Variants in RB1CC1 observed in about 807,000 individuals in gnomAD.
RB1CC1 encodes RB1-inducible coiled-coil protein 1.
Under a neutral mutation model 177.5 loss-of-function variants are expected in RB1CC1, and 46 were observed. That is an observed-to-expected ratio of 0.26 (90% CI 0.20 to 0.33). The LOEUF (loss-of-function observed/expected upper bound fraction) is 0.33. RB1CC1 is among the 10% of genes least tolerant of loss of function. The pLI, the probability that RB1CC1 is intolerant of heterozygous loss-of-function variation, is 1.00. For synonymous variants in RB1CC1, 666 were observed against 613.6 expected, an observed-to-expected ratio of 1.09 and a Z score of -1.26; for missense variants, 1,703 against 1,816.3, an observed-to-expected ratio of 0.94 and a Z score of 1.13.
At chr8:52,682,506 ATATT>A (rs1430292824) in intron 5 of RB1CC1, among the ~76,000 whole-genome samples, 14 of 152,302 alleles carry the variant, frequency 9.2e-5, no homozygotes, top group Admixed American at 4.6e-4. Context: ...ATGCCAGCTT[ATATT>A]TAATTCCTGA....
chr8:52,676,717 TG>T lies in RB1CC1; in HGVS notation c.370-147del, dbSNP rs1311906652. The T allele has an allele frequency of 4.0e-6, 3 of 755,654 alleles. No homozygotes were observed. The African/African-American group carries it at 5.4e-5, about 13-fold the overall frequency. 46.8% of individuals were successfully genotyped at this position (755,654 alleles called of 1,614,324 possible). A position where few individuals can be genotyped will look rare whatever the true frequency, so the allele number is the denominator to read the frequency against. On this transcript the variant is annotated intron_variant, in intron 5 of 23. Coordinates refer to ENST00000025008, the MANE Select transcript of RB1CC1 (RefSeq NM_014781.5). ...TCAAAGGACTGTTTTAGTTTATCTC[TG>T]TTCTCTTCTGTAAAAGACAGCCTAA...
chr8:52,664,841 G>C (rs981832049), intron 8 of RB1CC1, among the ~76,000 whole-genome samples: 1 of 152,128 alleles, frequency 6.6e-6, no homozygotes, highest in African/African-American at 2.4e-5. Flanking sequence ...AAGTAGACTT[G>C]AGGGCAATAT....
chr8:52,636,097 T>C (rs750399135), intron 18 of RB1CC1, 28 bp from the exon 19 acceptor site: 2 of 1,588,554 alleles, frequency 1.3e-6, no homozygotes, highest in Non-Finnish European at 8.5e-7. Flanking sequence ...TGAGTTTCAG[T>C]TTGAAATTCT....
chr8:52,651,650 A>T (rs1309163516), intron 15 of RB1CC1, among the ~76,000 whole-genome samples: 1 of 152,210 alleles, frequency 6.6e-6, no homozygotes, highest in Non-Finnish European at 1.5e-5. Context: ...AACACAAATT[A>T]AAGCCATTAG....
At chr8:52,676,196 T>C (rs998617161) in intron 6 of RB1CC1, among the ~76,000 whole-genome samples, 173 bp downstream of exon 6, 15 of 152,192 alleles carry the variant, frequency 9.9e-5, no homozygotes. Flanking sequence ...AGAATTATCA[T>C]TTTTTAAATT....
chr8:52,645,275 G>A (rs1016493244), intron 16 of RB1CC1, among the ~76,000 whole-genome samples: 6 of 152,172 alleles, frequency 3.9e-5, no homozygotes, highest in African/African-American at 1.4e-4. Flanking sequence ...GGATAACAAA[G>A]TTTAGAGAAT....
chr8:52,676,763 G>A (rs867585833), intron 5 of RB1CC1, among the ~76,000 whole-genome samples, 192 bp from the exon 6 acceptor site: 2 of 152,092 alleles, frequency 1.3e-5, no homozygotes, highest in Admixed American at 6.5e-5. Flanking sequence ...AGGTGTTTCC[G>A]AGCAGGTATC....
In RB1CC1 at chr8:52,689,864, G is replaced by A. The variant is rs138909293; in HGVS notation, c.-166-2897C>T. Among the ~76,000 whole-genome samples, 242 of 152,222 alleles carry A rather than the reference G, an allele frequency of 1.6e-3. 1 individual carries two copies. Among genetic ancestry groups the A allele is most frequent in the Middle Eastern group, 3.4e-3 (1 of 294 alleles). On this transcript the variant is annotated intron_variant, in intron 1 of 23. Transcript: ENST00000025008. ...AAGAGAACTGCTTGAACTGGGAGGC[G>A]GAGGTTGCAGTGAGCTGGGATCGTA...
chr8:52,632,967 C>T (rs1477308265), intron 20 of RB1CC1, among the ~76,000 whole-genome samples: 1 of 152,306 alleles, frequency 6.6e-6, no homozygotes, highest in East Asian at 1.9e-4. Flanking sequence ...CCTCTACCAT[C>T]CTCTGACATG....
rs776466461 is a variant in RB1CC1, at chr8:52,683,884, T to C, written c.198+3A>G. 9 of 1,612,516 alleles carry C rather than the reference T, an allele frequency of 5.6e-6. No homozygotes were observed. Among genetic ancestry groups the C allele is most frequent in the South Asian group, 5.5e-5 (5 of 90,598 alleles). ...TTGTGTGAAAGGACTCTTGAATACC[T>C]ACCGTCCCAGCACTGTAGGTACACA... On this transcript the variant is annotated splice_donor_region_variant and intron_variant, in intron 4 of 23. Transcript: ENST00000025008.
At chr8:52,704,552 G>A (rs1347361433) in intron 1 of RB1CC1, among the ~76,000 whole-genome samples, 1 of 149,976 alleles carries the variant, frequency 6.7e-6, no homozygotes, top group Non-Finnish European at 1.5e-5. Context: ...TAAAACTTAA[G>A]AGGATAAACT....
intron 20 of RB1CC1, 113 bp from the exon 21 acceptor site, chr8:52,630,641 G>A: frequency 3.9e-6 from 4 of 1,021,116 alleles, no homozygotes; most frequent in South Asian, 2.2e-5. Context: ...CAGCTTTAAA[G>A]AGCCCAAACT....
chr8:52,642,752 G>A lies in RB1CC1; in HGVS notation c.4048C>T (p.Leu1350Phe), dbSNP rs777325675. The A allele has an allele frequency of 2.5e-6, 4 of 1,583,628 alleles. No homozygotes were observed. Among genetic ancestry groups the A allele is most frequent in the Admixed American group, 3.9e-5 (2 of 51,362 alleles). Residue 1350 changes from leucine (L) to phenylalanine (F), a missense_variant, in exon 17 of 24, where the codon CTT (leucine) becomes TTT (phenylalanine). Around this residue, in one of 6 missense-constraint regions of RB1CC1, gnomAD observed 1,169 missense variants for 1,184.7 expected, o/e 0.99. Coordinates refer to ENST00000025008, the MANE Select transcript of RB1CC1 (RefSeq NM_014781.5). Reference protein sequence around the residue: ...KMRKENIINDLSDKLKSTMQQ... With the variant: ...KMRKENIINDFSDKLKSTMQQ... ...ATTGTACTTTTCAACTTATCACTAA[G>A]ATCATTTATTATGTTTTCTTTTCTC...
chr8:52,642,656 C>A, intron 17 of RB1CC1, 48 bp downstream of exon 17: 2 of 1,577,646 alleles, frequency 1.3e-6, no homozygotes, highest in Non-Finnish European at 1.7e-6. Context: ...ATGAATGTAT[C>A]TTTTCCACTT....
chr8:52,713,945 A>C (rs1327420961), intron 1 of RB1CC1, 130 bp downstream of exon 1: 2 of 209,170 alleles, frequency 9.6e-6, no homozygotes, highest in African/African-American at 4.8e-5. Context: ...CCGTGCACAC[A>C]CCTGCGCGTG....
intron 1 of RB1CC1, among the ~76,000 whole-genome samples, chr8:52,693,474 C>A (rs555444971): frequency 6.0e-4 from 91 of 152,010 alleles, no homozygotes; most frequent in Non-Finnish European, 1.1e-3. Context: ...AAAAGCTCAA[C>A]ATCAAAGATC....
chr8:52,644,611 T>C (rs1026039067), intron 16 of RB1CC1, among the ~76,000 whole-genome samples: 12 of 152,198 alleles, frequency 7.9e-5, no homozygotes, highest in African/African-American at 2.9e-4. Flanking sequence ...TTAACTTTCC[T>C]TGGCTTCCCT....
chr8:52,701,518 C>T (rs908362475), intron 1 of RB1CC1, among the ~76,000 whole-genome samples: 2 of 152,174 alleles, frequency 1.3e-5, no homozygotes, highest in Admixed American at 1.3e-4. Context: ...CAAGAGGATA[C>T]TGACCTGTTT....
chr8:52,713,508 TA>T (rs1000995859), intron 1 of RB1CC1, among the ~76,000 whole-genome samples: 23 of 151,632 alleles, frequency 1.5e-4, no homozygotes, highest in African/African-American at 5.6e-4. Context: ...TTCCTAGGAG[TA>T]ACTTTATACC....
Sources: allele counts gnomAD v4.1 joint callset (sites outside exome capture counted in the v4.1 genomes callset), GRCh38; gene constraint gnomAD v4.1.1; regional missense constraint gnomAD v4.1.1; transcripts MANE v1.5; gene names NCBI Gene and HGNC (gene_info 2026-07-23, HGNC 2026-07-21).